The following RNF19B variants were observed in gnomAD, a reference collection of about 807,000 sequenced individuals.
The protein encoded by RNF19B is E3 ubiquitin-protein ligase RNF19B.
RNF19B carries 23 observed loss-of-function variants against 65.5 expected under a neutral mutation model. The ratio of observed to expected loss-of-function variants is 0.35; its 90% CI spans 0.25 to 0.50. The LOEUF (loss-of-function observed/expected upper bound fraction) is 0.50. Among genes scored for constraint, RNF19B ranks in the 20% least tolerant of loss-of-function variants. The pLI is 0.98. For missense variants in RNF19B, 794 were observed against 980.0 expected (o/e 0.81, Z 2.53); for synonymous variants, 372 against 379.6 (o/e 0.98, Z 0.23).
chr1:32,938,369 T>A, intron 8 of RNF19B, 28 bp downstream of exon 8: 1 of 1,613,808 alleles, frequency 6.2e-7, no homozygotes, highest in Non-Finnish European at 8.5e-7. Context: ...AAATGCAACC[T>A]CTCCTGGACA....
Position 32,964,668 on chromosome 1 carries a change from G to C in RNF19B, c.18C>G (p.Asp6Glu). 1 of 1,471,062 alleles carries C rather than the reference G, an allele frequency of 6.8e-7. No homozygotes were observed. Among genetic ancestry groups the C allele is most frequent in the Non-Finnish European group, 9.0e-7 (1 of 1,115,312 alleles). The allele number at this position is 1,471,062 out of a possible 1,614,324, so 91.1% of individuals were successfully genotyped here. A position where few individuals can be genotyped will look rare whatever the true frequency, so the allele number is the denominator to read the frequency against. The change falls in exon 1 of 9, where the codon GAC becomes GAG. Residue 6 changes from aspartate to glutamate, a missense_variant. Asp to Glu is a conservative substitution (Grantham distance 45). Around this residue, in one of 3 missense-constraint regions of RNF19B, gnomAD observed 374 missense variants for 423.8 expected, o/e 0.88. Coordinates refer to ENST00000235150, the MANE Select transcript of RNF19B (RefSeq NM_001300826.2). This position sits in a 1 kb window ranked among gnomAD's most constrained non-coding sequence, Gnocchi z 6.5. MGSEKDSESPRSTSLH... is the reference protein window; with the variant it reads MGSEKESESPRSTSLH... ...GCGATGTGGAGCGCGGCGACTCGGA[G>C]TCCTTCTCGGAGCCCATGGCCGGCA... is the stretch of plus-strand genomic sequence containing the variant.
At chr1:32,951,759 A>G (rs1295043486) in intron 1 of RNF19B, among the ~76,000 whole-genome samples, 2 of 152,048 alleles carry the variant, frequency 1.3e-5, no homozygotes, top group Admixed American at 1.3e-4. Flanking sequence ...AAATTAAAAT[A>G]GCATTAAGGC....
chr1:32,941,218 AAAC>A (rs1642223155), intron 7 of RNF19B, among the ~76,000 whole-genome samples: 1 of 151,782 alleles, frequency 6.6e-6, no homozygotes, highest in Non-Finnish European at 1.5e-5. Flanking sequence ...GTGAGAAAAA[AAAC>A]AAAAAAAAAT....
chr1:32,935,567 TCA>T (rs1463649927), downstream of RNF19B, among the ~76,000 whole-genome samples: 1 of 152,218 alleles, frequency 6.6e-6, no homozygotes, highest in Non-Finnish European at 1.5e-5. Context: ...ATTACAAATC[TCA>T]GATTTTAGTC....
chr1:32,949,469 T>C (rs1642438703), intron 2 of RNF19B, 100 bp downstream of exon 2: 2 of 926,188 alleles, frequency 2.2e-6, no homozygotes, highest in South Asian at 3.1e-5. Context: ...CTCTGATCCT[T>C]TGGAGTACTT....
At chr1:32,939,939 G>C (rs1360386901) in intron 7 of RNF19B, among the ~76,000 whole-genome samples, 1 of 152,188 alleles carries the variant, frequency 6.6e-6, no homozygotes, top group Non-Finnish European at 1.5e-5. Flanking sequence ...AGCATGTGGG[G>C]GCGGGATCCC....
chr1:32,964,047 T>A lies in RNF19B; in HGVS notation c.635+4A>T. 6.8e-7 allele frequency: 1 copy of A among 1,479,830 alleles called. No homozygotes were observed. Among genetic ancestry groups the A allele is most frequent in the Non-Finnish European group, 9.0e-7 (1 of 1,116,566 alleles). The allele number at this position is 1,479,830 out of a possible 1,614,324, so 91.7% of individuals were successfully genotyped here. A position where few individuals can be genotyped will look rare whatever the true frequency, so the allele number is the denominator to read the frequency against. ...CGCCACCCGCGCCACGCCCCCGCGC[T>A]CACCCGCAGTCCGGGGCCGGGCACC... On this transcript the variant is annotated splice_donor_region_variant and intron_variant, in intron 1 of 8. Transcript: ENST00000235150. This position sits in a 1 kb window ranked among gnomAD's most constrained non-coding sequence, Gnocchi z 6.5.
rs894179117 is a variant in RNF19B, at chr1:32,964,563, G to A, written c.123C>T (p.Ala41=). Residue 41 remains alanine, a synonymous_variant, in exon 1 of 9, where the codon GCC becomes GCT. Coordinates refer to ENST00000235150, the MANE Select transcript of RNF19B (RefSeq NM_001300826.2). This position sits in a 1 kb window ranked among gnomAD's most constrained non-coding sequence, Gnocchi z 6.5. ...CCCGGGCGCGGCGGCCGCGGGCCGA[G>A]GCAGAGAAGACGCTGTGCAAGGTGA... is the stretch of plus-strand genomic sequence containing the variant. The part of the protein sequence containing the change: ...RRLTLHSVFS[A]SARGRRARAK... 29 of 1,381,150 alleles carry A rather than the reference G, an allele frequency of 2.1e-5. No homozygotes were observed. The highest frequency in any genetic ancestry group is 5.8e-5 in the Admixed American group (2 of 34,760). 85.6% of individuals were successfully genotyped at this position (1,381,150 alleles called of 1,614,324 possible). A position where few individuals can be genotyped will look rare whatever the true frequency, so the allele number is the denominator to read the frequency against.
intron 1 of RNF19B, among the ~76,000 whole-genome samples, chr1:32,956,892 G>A (rs1642651735): frequency 1.3e-5 from 2 of 152,118 alleles, no homozygotes; most frequent in South Asian, 4.1e-4. Context: ...GTAGGCATCA[G>A]GGTGGTAGAC....
At chr1:32,963,328 G>C (rs1642816021) in intron 1 of RNF19B, among the ~76,000 whole-genome samples, 1 of 152,128 alleles carries the variant, frequency 6.6e-6, no homozygotes, top group South Asian at 2.1e-4. Context: ...TCTGTCCCTA[G>C]CCAAGTGGAC....
rs1570134330 is a variant in RNF19B at position 32,964,278 on chromosome 1, G to A, written c.408C>T (p.Ser136=). The stretch of plus-strand genomic sequence containing the variant: ...AGTCCCGGCACGAGCGGTGCGGACA[G>A]CTGAGGAGGCGCGGGGCCCGCTCAG... ...LPPERAPRLL[S]CPHRSCRDCL... is the part of the protein sequence containing the mutation. Residue 136 remains serine, a synonymous_variant, in exon 1 of 9, where the codon AGC becomes AGT. Coordinates refer to ENST00000235150, the MANE Select transcript of RNF19B (RefSeq NM_001300826.2). The surrounding 1 kb of genome is among the most constrained non-coding windows in gnomAD (Gnocchi z 6.5). The A allele has an allele frequency of 1.3e-6, 2 of 1,531,006 alleles. No homozygotes were observed. Among genetic ancestry groups the A allele is most frequent in the South Asian group, 1.2e-5 (1 of 82,502 alleles). The allele number at this position is 1,531,006 out of a possible 1,614,324, so 94.8% of individuals were successfully genotyped here. A position where few individuals can be genotyped will look rare whatever the true frequency, so the allele number is the denominator to read the frequency against.
intron 8 of RNF19B, among the ~76,000 whole-genome samples, chr1:32,937,808 AC>A (rs1642140432): frequency 3.9e-5 from 6 of 152,280 alleles, no homozygotes; most frequent in African/African-American, 1.4e-4. Flanking sequence ...ATGCACACAC[AC>A]GTGTATCTCA....
In RNF19B at chr1:32,937,191, C is replaced by T; in HGVS notation, c.1811G>A (p.Gly604Glu). Reference sequence around the variant, plus strand: ...ATGGAGCGAGTCCTCCGTGCTGCTTCCACTCACCAGCTGATAGTGGCTTGG... The same window carrying T: ...ATGGAGCGAGTCCTCCGTGCTGCTTTCACTCACCAGCTGATAGTGGCTTGG... The part of the protein sequence containing the change: ...AKPSHYQLVS[G>E]SSTEDSLHVH... The change falls in exon 9 of 9, where the codon GGA (glycine) becomes GAA (glutamate). Residue 604 changes from glycine to glutamate, a missense_variant. Gly to Glu is a moderately conservative substitution (Grantham distance 98). Transcript: ENST00000235150. 6.2e-7 allele frequency: 1 copy of T among 1,614,174 alleles called. No individual in the cohort carries two copies. Among genetic ancestry groups the T allele is most frequent in the Non-Finnish European group, 8.5e-7 (1 of 1,180,036 alleles).
Position 32,936,919 on chromosome 1 carries a change from G to A in RNF19B, c.2083C>T (p.Pro695Ser), listed in dbSNP as rs755089134. The A allele has an allele frequency of 9.9e-6, 16 of 1,614,058 alleles. No individual in the cohort carries two copies. Among genetic ancestry groups the A allele is most frequent in the South Asian group, 2.2e-5 (2 of 91,068 alleles). The change falls in exon 9 of 9, where the codon CCC (proline) becomes TCC (serine). Residue 695 changes from proline (P) to serine (S), a missense_variant. Pro to Ser is a moderately conservative substitution (Grantham distance 74). Coordinates refer to ENST00000235150, the MANE Select transcript of RNF19B (RefSeq NM_001300826.2). ...GSPRSHTAACPSTPRAQGAPS... is the reference protein window; with the variant it reads ...GSPRSHTAACSSTPRAQGAPS... ...GCACCTTGGGCTCTGGGGGTCGAGG[G>A]GCAGGCTGCAGTATGGGAGCGGGGG...
At chr1:32,933,185 G>A (rs1642048177), downstream of RNF19B, among the ~76,000 whole-genome samples, 2 of 152,096 alleles carry the variant, frequency 1.3e-5, no homozygotes, top group Admixed American at 1.3e-4. Context: ...AAATGCGGTA[G>A]GTATTTCAGA....
At chr1:32,940,523 T>C (rs1431067437) in intron 7 of RNF19B, among the ~76,000 whole-genome samples, 1 of 152,186 alleles carries the variant, frequency 6.6e-6, no homozygotes, top group East Asian at 1.9e-4. Context: ...CTTTGGGCTT[T>C]CATGTTGCTT....
intron 8 of RNF19B, among the ~76,000 whole-genome samples, chr1:32,938,157 A>AG (rs1403768197): frequency 4.0e-5 from 6 of 151,128 alleles, no homozygotes; most frequent in African/African-American, 1.5e-4. Flanking sequence ...AAAAAAAAAA[A>AG]AAAGAAAAAA....
chr1:32,930,859 G>T, the RNF19B span, among the ~76,000 whole-genome samples: 492 of 152,298 alleles, frequency 3.2e-3, 2 homozygotes, highest in African/African-American at 0.012. Flanking sequence ...AGGCCAAGGT[G>T]GGCAGATCAC....
At chr1:32,930,113 TTTAAG>T in the RNF19B span, among the ~76,000 whole-genome samples, 3 of 152,204 alleles carry the variant, frequency 2.0e-5, no homozygotes, top group Non-Finnish European at 2.9e-5. Context: ...GTATCATGTT[TTTAAG>T]TTATTATTTG....
Sources: allele counts gnomAD v4.1 joint callset (sites outside exome capture counted in the v4.1 genomes callset), GRCh38; gene constraint gnomAD v4.1.1; regional missense constraint gnomAD v4.1.1; non-coding constraint Gnocchi (gnomAD v3.1); transcripts MANE v1.5; gene names NCBI Gene and HGNC (gene_info 2026-07-23, HGNC 2026-07-21).